KCNJ3: variants seen among roughly 807,000 people sequenced by gnomAD.
The protein encoded by KCNJ3 is G protein-activated inward rectifier potassium channel 1.
In KCNJ3, 4 loss-of-function variants were observed where a neutral mutation model predicts 39.2. That is an observed-to-expected ratio of 0.10 (90% CI 0.05 to 0.23). The LOEUF (loss-of-function observed/expected upper bound fraction) is 0.23. KCNJ3 is among the 10% of genes least tolerant of loss of function. The pLI is 1.00. For synonymous variants in KCNJ3, 230 were observed against 237.4 expected, an observed-to-expected ratio of 0.97 and a Z score of 0.29; for missense variants, 276 against 634.9, an observed-to-expected ratio of 0.43 and a Z score of 6.08.
At chr2:154,784,408 C>T (rs1026681776) in intron 2 of KCNJ3, among the ~76,000 whole-genome samples, 50 of 152,302 alleles carry the variant, frequency 3.3e-4, no homozygotes, top group African/African-American at 1.0e-3. Flanking sequence ...GACGGAGTCT[C>T]GCTCTGTAGC....
In KCNJ3 at chr2:154,698,997, G is replaced by A. The variant is rs751330548; in HGVS notation, c.222G>A (p.Thr74=). Reference sequence around the variant, plus strand: ...GCTACCTCTCGGACCTCTTCACCACGCTGGTGGACCTCAAGTGGCGCTGGA... The same window carrying A: ...GCTACCTCTCGGACCTCTTCACCACACTGGTGGACCTCAAGTGGCGCTGGA... ...TSRYLSDLFT[T]LVDLKWRWNL... is the part of the protein sequence containing the mutation. Residue 74 remains threonine, a synonymous_variant, in exon 1 of 3, where the codon ACG becomes ACA. Transcript: ENST00000295101. 3.1e-6 allele frequency: 5 copies of A among 1,614,202 alleles called. No homozygotes were observed. In the South Asian group the frequency reaches 5.5e-5, roughly 18 times the overall value.
chr2:154,760,806 T>G (rs1686027238), intron 2 of KCNJ3, among the ~76,000 whole-genome samples: 1 of 148,072 alleles, frequency 6.8e-6, no homozygotes, highest in Non-Finnish European at 1.5e-5. Flanking sequence ...GTGCGATCTC[T>G]GCTCACTGCA....
chr2:154,762,782 G>C (rs1686067694), intron 2 of KCNJ3, among the ~76,000 whole-genome samples: 1 of 152,170 alleles, frequency 6.6e-6, no homozygotes, highest in Admixed American at 6.6e-5. Flanking sequence ...CAATGGATGT[G>C]AGACTCTTTT....
intron 2 of KCNJ3, among the ~76,000 whole-genome samples, chr2:154,715,167 G>A (rs767768721): frequency 6.6e-6 from 1 of 152,078 alleles, no homozygotes. Context: ...CCCACATCAC[G>A]GTACTTCTAA....
chr2:154,730,989 C>G lies in KCNJ3; in HGVS notation c.919+21170C>G, dbSNP rs115925488. ...AGTAAGAATATAATTCATTTAGACT[C>G]TATGTTATGATTCTTATAATACTAG... On this transcript the variant is annotated intron_variant, in intron 2 of 2. Transcript: ENST00000295101. Among the ~76,000 whole-genome samples the G allele has an allele frequency of 8.2e-3, 1,244 of 152,136 alleles. 12 individuals carry two copies. The highest frequency in any genetic ancestry group is 0.028 in the African/African-American group (1,167 of 41,516).
chr2:154,818,115 T>G (rs1461825402), intron 2 of KCNJ3, among the ~76,000 whole-genome samples: 1 of 152,110 alleles, frequency 6.6e-6, no homozygotes, highest in Non-Finnish European at 1.5e-5. Context: ...AATATTCCCT[T>G]TATTATGTAT....
chr2:154,770,892 C>CTTTTTT (rs35293315), intron 2 of KCNJ3, among the ~76,000 whole-genome samples: 6 of 127,670 alleles, frequency 4.7e-5, no homozygotes, highest in Admixed American at 1.7e-4. Flanking sequence ...TTTTCTTTTT[C>CTTTTTT]TTTTTTTTTT....
At chr2:154,761,062 CTTTTTTTT>C (rs11375045) in intron 2 of KCNJ3, among the ~76,000 whole-genome samples, 14 of 133,916 alleles carry the variant, frequency 1.0e-4, no homozygotes, top group Admixed American at 9.1e-4. Context: ...TTAATTTTTT[CTTTTTTTT>C]TTTTTTTTGT....
intron 2 of KCNJ3, among the ~76,000 whole-genome samples, chr2:154,837,859 A>C (rs965032673): frequency 6.6e-6 from 1 of 152,248 alleles, no homozygotes; most frequent in Non-Finnish European, 1.5e-5. Flanking sequence ...ACTATATGGG[A>C]AACTGCTACT....
intron 2 of KCNJ3, among the ~76,000 whole-genome samples, chr2:154,715,036 T>A (rs1685158949): frequency 6.6e-6 from 1 of 152,184 alleles, no homozygotes; most frequent in East Asian, 1.9e-4. Flanking sequence ...CAAATATTAA[T>A]AACTCAGAGT....
rs575747458 is a variant in KCNJ3, at chr2:154,706,088, T to G, written c.703-3515T>G. ...TTTTCTTATAAACTAAAAGTCAAAC[T>G]TAGTAATCAACTTCTTATAAATTTA... On this transcript the variant is annotated intron_variant, in intron 1 of 2. Transcript: ENST00000295101. Among the ~76,000 whole-genome samples, 3 of 152,270 alleles carry G rather than the reference T, an allele frequency of 2.0e-5. No homozygotes were observed. In the South Asian group the frequency reaches 6.2e-4, roughly 32 times the overall value.
chr2:154,823,439 A>G (rs1687216960), intron 2 of KCNJ3, among the ~76,000 whole-genome samples: 1 of 151,864 alleles, frequency 6.6e-6, no homozygotes, highest in South Asian at 2.1e-4. Context: ...GTCAATGACT[A>G]AAGTCCAGCA....
At chr2:154,808,338 C>G (rs1686951298) in intron 2 of KCNJ3, among the ~76,000 whole-genome samples, 1 of 151,828 alleles carries the variant, frequency 6.6e-6, no homozygotes, top group South Asian at 2.1e-4. Context: ...GCCTCAGCCT[C>G]TCAAAGTGCT....
intron 1 of KCNJ3, among the ~76,000 whole-genome samples, chr2:154,707,969 A>G (rs1685041263): frequency 6.6e-6 from 1 of 152,126 alleles, no homozygotes; most frequent in East Asian, 1.9e-4. Context: ...GTCACTCAAG[A>G]AAGTTCTTTT....
At chr2:154,779,838 C>A (rs1240183753) in intron 2 of KCNJ3, among the ~76,000 whole-genome samples, 1 of 152,004 alleles carries the variant, frequency 6.6e-6, no homozygotes, top group Non-Finnish European at 1.5e-5. Context: ...CCACACCCAG[C>A]CAAGTTTGAA....
At chr2:154,754,090 C>T (rs1685896626) in intron 2 of KCNJ3, among the ~76,000 whole-genome samples, 2 of 152,064 alleles carry the variant, frequency 1.3e-5, no homozygotes, top group Admixed American at 1.3e-4. Context: ...AGGACAATTG[C>T]CAAGATTTAC....
At chr2:154,798,121 A>G (rs919116493) in intron 2 of KCNJ3, among the ~76,000 whole-genome samples, 2 of 151,472 alleles carry the variant, frequency 1.3e-5, no homozygotes, top group African/African-American at 4.9e-5. Context: ...CACACATACC[A>G]TGCACATATA....
intron 2 of KCNJ3, among the ~76,000 whole-genome samples, chr2:154,845,029 C>T (rs985246787): frequency 7.2e-5 from 11 of 152,150 alleles, no homozygotes; most frequent in African/African-American, 2.4e-4. Context: ...CTGTCTTCTG[C>T]GTTGATCACA....
At chr2:154,751,985 T>C (rs929570564) in intron 2 of KCNJ3, among the ~76,000 whole-genome samples, 1 of 152,060 alleles carries the variant, frequency 6.6e-6, no homozygotes, top group South Asian at 2.1e-4. Context: ...TTCTGAGGAA[T>C]TGGGGGTTAG....
Sources: gnomAD v4.1 joint callset for allele counts (sites outside exome capture counted in the v4.1 genomes callset) on GRCh38, gnomAD v4.1.1 for gene constraint, MANE v1.5 for transcripts, NCBI Gene and HGNC (gene_info 2026-07-23, HGNC 2026-07-21) for gene names.